Variants in ATXN1 observed in about 807,000 individuals in gnomAD.
ATXN1 encodes the protein ataxin 1.
Under a neutral mutation model 56.4 loss-of-function variants are expected in ATXN1, and 8 were observed. The ratio of observed to expected loss-of-function variants is 0.14; its 90% CI spans 0.08 to 0.26. The LOEUF (loss-of-function observed/expected upper bound fraction) is 0.26. Ranked by LOEUF, ATXN1 falls within the 10% of genes least tolerant of loss-of-function variation. The pLI, the probability that ATXN1 is intolerant of heterozygous loss-of-function variation, is 1.00. For missense variants in ATXN1, 987 were observed against 1,106.5 expected (o/e 0.89, Z 1.53); for synonymous variants, 514 against 494.6 (o/e 1.04, Z -0.52).
chr6:16,690,610 T>A (rs1378217996), intron 2 of ATXN1, among the ~76,000 whole-genome samples: 1 of 152,168 alleles, frequency 6.6e-6, no homozygotes, highest in Non-Finnish European at 1.5e-5. Context: ...AAAATATATT[T>A]CCATTTATTG....
rs1554123145 is a variant in ATXN1 at position 16,650,428 on chromosome 6, A to AC, written c.-489+7347_-489+7348insG. 1.0e-3 allele frequency among the ~76,000 whole-genome samples: 155 copies of AC among 152,282 alleles called. 1 individual carries two copies. The highest frequency in any genetic ancestry group is 3.6e-3 in the African/African-American group (148 of 41,560). On this transcript the variant is annotated intron_variant, in intron 3 of 7. Transcript: ENST00000436367. ...ATTTGCTACCAAAGGAGTATTAAAA[A>AC]ACACACACACACATGAATTGCCCTA...
intron 6 of ATXN1, among the ~76,000 whole-genome samples, chr6:16,359,732 CT>C (rs1282692063): frequency 6.6e-5 from 10 of 152,244 alleles, no homozygotes; most frequent in African/African-American, 2.2e-4. Context: ...GTCTGTGTAC[CT>C]CATTCTTTCT....
intron 6 of ATXN1, among the ~76,000 whole-genome samples, chr6:16,347,167 G>A (rs187356052): frequency 3.9e-5 from 6 of 152,320 alleles, no homozygotes; most frequent in South Asian, 2.1e-4. Context: ...CCCGACGAGC[G>A]CCGCCCCCTG....
chr6:16,568,465 T>C (rs1227013999), intron 4 of ATXN1, among the ~76,000 whole-genome samples: 1 of 152,210 alleles, frequency 6.6e-6, no homozygotes, highest in Non-Finnish European at 1.5e-5. Flanking sequence ...AGTCATTTAT[T>C]TGAAACTCCA....
At chr6:16,478,921 G>A (rs534870432) in intron 6 of ATXN1, among the ~76,000 whole-genome samples, 48 of 152,320 alleles carry the variant, frequency 3.2e-4, no homozygotes, top group Admixed American at 1.6e-3. Flanking sequence ...GACCTGTGCA[G>A]GGGTCCAGCA....
intron 4 of ATXN1, among the ~76,000 whole-genome samples, chr6:16,539,146 T>C (rs949647293): frequency 3.9e-5 from 6 of 152,210 alleles, no homozygotes. Context: ...TTTTAGAAAC[T>C]CTTAATCACA....
intron 4 of ATXN1, among the ~76,000 whole-genome samples, chr6:16,582,189 T>C (rs1003998111): frequency 1.3e-5 from 2 of 152,208 alleles, no homozygotes. Context: ...CCCTGGTTTC[T>C]CCAGTTTCCA....
chr6:16,448,652 T>C (rs959520743), intron 6 of ATXN1, among the ~76,000 whole-genome samples: 1 of 152,206 alleles, frequency 6.6e-6, no homozygotes, highest in African/African-American at 2.4e-5. Flanking sequence ...AATAAAAGTG[T>C]CTTACATTGC....
intron 6 of ATXN1, among the ~76,000 whole-genome samples, chr6:16,461,515 T>A (rs544792156): frequency 1.3e-5 from 2 of 152,258 alleles, no homozygotes; most frequent in African/African-American, 4.8e-5. Context: ...AAAGAATAGG[T>A]CACTATCCTG....
chr6:16,438,897 G>A (rs188485402), intron 6 of ATXN1, among the ~76,000 whole-genome samples: 32 of 152,272 alleles, frequency 2.1e-4, no homozygotes, highest in African/African-American at 7.2e-4. Context: ...GAGTGACTTC[G>A]TAAGAGGGAC....
intron 3 of ATXN1, among the ~76,000 whole-genome samples, chr6:16,616,603 ATATATAAAATATTTTATATATT>A (rs559411567): frequency 1.9e-4 from 28 of 145,794 alleles, no homozygotes; most frequent in African/African-American, 7.0e-4. Flanking sequence ...ATTATATACT[ATATATAAAATATTTTATATATT>A]TATATAAAAT....
chr6:16,694,252 C>CTTTTTTTTTTTTTTTTT (rs537104749), intron 2 of ATXN1, among the ~76,000 whole-genome samples: 1 of 122,746 alleles, frequency 8.1e-6, no homozygotes, highest in Non-Finnish European at 1.7e-5. Context: ...TTTTTTTTTT[C>CTTTTTTTTTTTTTTTTT]TTTTTTTTTT....
intron 6 of ATXN1, among the ~76,000 whole-genome samples, chr6:16,357,135 A>T (rs1297965821): frequency 6.6e-6 from 1 of 152,222 alleles, no homozygotes; most frequent in African/African-American, 2.4e-5. Context: ...CATTTATAAA[A>T]TGCAGCTTAT....
At chr6:16,337,823 A>G (rs990867781) in intron 6 of ATXN1, among the ~76,000 whole-genome samples, 21 of 152,168 alleles carry the variant, frequency 1.4e-4, no homozygotes, top group African/African-American at 5.1e-4. Context: ...AGTGAGAGGA[A>G]GTGAGCCCTC....
chr6:16,337,391 G>A (rs1309493468), intron 6 of ATXN1, among the ~76,000 whole-genome samples: 1 of 152,244 alleles, frequency 6.6e-6, no homozygotes, highest in Non-Finnish European at 1.5e-5. Flanking sequence ...GGAAGGAGGA[G>A]GGGCGGGGCC....
At chr6:16,497,077 C>T (rs144981302) in intron 5 of ATXN1, among the ~76,000 whole-genome samples, 217 of 152,190 alleles carry the variant, frequency 1.4e-3, no homozygotes, top group African/African-American at 5.0e-3. Context: ...AATAAGAGGC[C>T]TTTTACAAAA....
chr6:16,617,818 T>C (rs1763246737), intron 3 of ATXN1, among the ~76,000 whole-genome samples: 1 of 151,930 alleles, frequency 6.6e-6, no homozygotes, highest in Admixed American at 6.6e-5. Context: ...ATTTAGTTTT[T>C]ATTAGTACTT....
At chr6:16,730,179 TG>T in intron 2 of ATXN1, among the ~76,000 whole-genome samples, 1 of 152,268 alleles carries the variant, frequency 6.6e-6, no homozygotes, top group East Asian at 1.9e-4. Context: ...CTCAGGAGGC[TG>T]GGGCAGGAGA....
intron 5 of ATXN1, among the ~76,000 whole-genome samples, chr6:16,500,738 T>TAAAAAAAAA (rs1167731131): frequency 5.9e-5 from 5 of 84,614 alleles, no homozygotes; most frequent in Non-Finnish European, 7.5e-5. Context: ...TTCATTATGA[T>TAAAAAAAAA]AAAAAAAAAA....
Sources: allele counts gnomAD v4.1 joint callset (sites outside exome capture counted in the v4.1 genomes callset), GRCh38; gene constraint gnomAD v4.1.1; transcripts MANE v1.5; gene names NCBI Gene and HGNC (gene_info 2026-07-23, HGNC 2026-07-21).